BCL7A: variants seen among roughly 807,000 people sequenced by gnomAD.
BCL7A encodes BAF chromatin remodeling complex subunit BCL7A.
A neutral mutation model predicts 28.4 loss-of-function variants in BCL7A; 11 were observed. That is an observed-to-expected ratio of 0.39 (90% CI 0.24 to 0.64). The LOEUF (loss-of-function observed/expected upper bound fraction) is 0.64. BCL7A is among the 30% of genes least tolerant of loss of function. The pLI is 0.50. For synonymous variants in BCL7A, 123 were observed against 103.3 expected (o/e 1.19, Z -1.15); for missense variants, 222 against 274.8 (o/e 0.81, Z 1.36).
chr12:122,057,121 G>A (rs1223475672), intron 5 of BCL7A, among the ~76,000 whole-genome samples: 3 of 152,224 alleles, frequency 2.0e-5, no homozygotes, highest in African/African-American at 7.2e-5. Context: ...AGCAGAACAG[G>A]CCATGGGTAG....
intron 4 of BCL7A, among the ~76,000 whole-genome samples, chr12:122,052,167 G>A (rs1256696667): frequency 2.0e-5 from 3 of 151,662 alleles, no homozygotes; most frequent in African/African-American, 4.8e-5. Context: ...GAGCCACCAC[G>A]CCTGGCCTGG....
Position 122,029,573 on chromosome 12 carries a change from G to T in BCL7A, c.93-1127G>T, listed in dbSNP as rs1367246646. Among the ~76,000 whole-genome samples, 1 of 152,188 alleles carries T rather than the reference G, an allele frequency of 6.6e-6. No homozygotes were observed. On this transcript the variant is annotated intron_variant, in intron 1 of 5. Transcript: ENST00000261822. The surrounding 1 kb of genome is among the most constrained non-coding windows in gnomAD (Gnocchi z 4.3). Reference sequence around the variant, plus strand: ...TGCTGAGGACTCGGGCAGCTACGTCGCCTGTACCAGGGGTGCGCCTGCCCC... The same window carrying T: ...TGCTGAGGACTCGGGCAGCTACGTCTCCTGTACCAGGGGTGCGCCTGCCCC...
At position 122,021,957 on chromosome 12, in the gene BCL7A, T is replaced by TGTGTGA. The variant is rs776212842; in HGVS notation, c.-134_-133insTGTGAG. On this transcript the variant is annotated 5_prime_UTR_variant, in exon 1 of 6. The change abolishes the stop of an existing upstream ORF in the 5' untranslated region. Coordinates refer to ENST00000261822, the MANE Select transcript of BCL7A (RefSeq NM_001024808.3). ...GTGTGTGTGTGTGTGTGTGTGTGTG[T>TGTGTGA]GAGTGTGTGCGTGTGAGAGTGCGAG... 7.0e-3 allele frequency: 4,079 copies of TGTGTGA among 582,762 alleles called. 96 individuals are homozygous for TGTGTGA. Among genetic ancestry groups the TGTGTGA allele is most frequent in the Middle Eastern group, 7.1e-3 (15 of 2,108 alleles). The allele number at this position is 582,762 out of a possible 1,614,324, so 36.1% of individuals were successfully genotyped here. A position where few individuals can be genotyped will look rare whatever the true frequency, so the allele number is the denominator to read the frequency against.
rs201219079 is a variant in BCL7A, at chr12:122,054,796, T to G, written c.440-9T>G. On this transcript the variant is annotated splice_polypyrimidine_tract_variant and intron_variant, in intron 4 of 5. Transcript: ENST00000261822. ...GAAAACAGCTCCTGTCGTCTTGCTC[T>G]TCCCTCAGATGCTTCTGATGAGCAG... is the stretch of plus-strand genomic sequence containing the variant. The G allele has an allele frequency of 1.5e-5, 24 of 1,611,226 alleles. No individual in the cohort carries two copies. Among genetic ancestry groups the G allele is most frequent in the Non-Finnish European group, 2.0e-5 (24 of 1,178,012 alleles).
At chr12:122,040,504 C>T (rs1227738453) in intron 3 of BCL7A, among the ~76,000 whole-genome samples, 1 of 149,560 alleles carries the variant, frequency 6.7e-6, no homozygotes, top group Non-Finnish European at 1.5e-5. Context: ...TGCACTCCAG[C>T]CTGGGCAAGA....
chr12:122,024,208 A>G (rs1883556790), intron 1 of BCL7A, among the ~76,000 whole-genome samples: 2 of 152,300 alleles, frequency 1.3e-5, no homozygotes, highest in East Asian at 1.9e-4. Flanking sequence ...TGTCCTCTGA[A>G]GACCTCAGGC....
intron 2 of BCL7A, among the ~76,000 whole-genome samples, chr12:122,034,458 G>A (rs1337387400): frequency 6.7e-5 from 10 of 150,018 alleles, no homozygotes; most frequent in South Asian, 2.1e-4. Context: ...TTGAATGGCC[G>A]GGCACAGTGG....
At chr12:122,053,379 C>G (rs569776802) in intron 4 of BCL7A, among the ~76,000 whole-genome samples, 1 of 152,334 alleles carries the variant, frequency 6.6e-6, no homozygotes, top group East Asian at 1.9e-4. Context: ...CCCCCGCCCT[C>G]TGTGTCCCGG....
chr12:122,024,571 T>C (rs1883573462), intron 1 of BCL7A, among the ~76,000 whole-genome samples: 1 of 151,392 alleles, frequency 6.6e-6, no homozygotes, highest in African/African-American at 2.4e-5. Context: ...TCGGATTGGG[T>C]CTTAGACTCA....
chr12:122,049,699 G>A (rs1232344248), intron 4 of BCL7A, among the ~76,000 whole-genome samples: 19 of 152,072 alleles, frequency 1.2e-4, no homozygotes. Flanking sequence ...TATGTGAACA[G>A]TCCCTTAGTG....
intron 5 of BCL7A, among the ~76,000 whole-genome samples, chr12:122,056,038 ACAGAC>A (rs1951876252): frequency 6.6e-6 from 1 of 152,192 alleles, no homozygotes; most frequent in Non-Finnish European, 1.5e-5. Flanking sequence ...CTTGTCTGAG[ACAGAC>A]TAGGGCGCAG....
intron 3 of BCL7A, among the ~76,000 whole-genome samples, chr12:122,043,489 C>T (rs371848621): frequency 1.3e-5 from 2 of 151,898 alleles, no homozygotes; most frequent in Non-Finnish European, 2.9e-5. Flanking sequence ...CCCTACCACA[C>T]GGCCGGGTGC....
chr12:122,023,248 T>A (rs1883516654), intron 1 of BCL7A, among the ~76,000 whole-genome samples: 1 of 152,250 alleles, frequency 6.6e-6, no homozygotes, highest in East Asian at 1.9e-4. Context: ...ACTTTATTAT[T>A]TTTTTCCCAC....
At chr12:122,037,054 A>T (rs1381375328) in intron 3 of BCL7A, among the ~76,000 whole-genome samples, 1 of 152,188 alleles carries the variant, frequency 6.6e-6, no homozygotes, top group African/African-American at 2.4e-5. Flanking sequence ...GAAATCAGGA[A>T]ATCTCCGTCC....
intron 1 of BCL7A, 71 bp downstream of exon 1, chr12:122,022,254 C>T (rs1883480559): frequency 2.1e-6 from 2 of 930,916 alleles, no homozygotes; most frequent in Non-Finnish European, 2.6e-6. Context: ...CAGAGAGCCG[C>T]GGGGCGCAGC....
At chr12:122,044,077 C>T (rs747409373) in intron 4 of BCL7A, 24 bp downstream of exon 4, 20 of 1,596,936 alleles carry the variant, frequency 1.3e-5, no homozygotes, top group Admixed American at 1.7e-5. Flanking sequence ...GGAGGTGGGG[C>T]TCTGACGGCC....
intron 1 of BCL7A, among the ~76,000 whole-genome samples, chr12:122,025,141 C>T (rs1883588973): frequency 6.6e-6 from 1 of 152,032 alleles, no homozygotes; most frequent in African/African-American, 2.4e-5. Flanking sequence ...GTTTGGGGGC[C>T]CTGTGCTGGT....
rs73217766 is a variant in BCL7A, at chr12:122,050,665, G to A, written c.440-4140G>A. 2.4e-3 allele frequency among the ~76,000 whole-genome samples: 358 copies of A among 152,312 alleles called. 1 individual carries two copies. The highest frequency in any genetic ancestry group is 0.014 in the South Asian group (66 of 4,834). ...CACACACCCTCCTACTTCCTTGTTTGTAAAATGGGATGACCAGCTACTCGG... is the reference window on the plus strand; with the variant it reads ...CACACACCCTCCTACTTCCTTGTTTATAAAATGGGATGACCAGCTACTCGG... On this transcript the variant is annotated intron_variant, in intron 4 of 5. Coordinates refer to ENST00000261822, the MANE Select transcript of BCL7A (RefSeq NM_001024808.3).
intron 1 of BCL7A, among the ~76,000 whole-genome samples, chr12:122,024,045 C>T (rs556631653): frequency 6.6e-6 from 1 of 152,196 alleles, no homozygotes; most frequent in African/African-American, 2.4e-5. Flanking sequence ...GCAGGGAGGG[C>T]AGATGGAGAG....
Sources: gnomAD v4.1 joint callset for allele counts (sites outside exome capture counted in the v4.1 genomes callset) on GRCh38, gnomAD v4.1.1 for gene constraint, Gnocchi (gnomAD v3.1) non-coding constraint, MANE v1.5 for transcripts, NCBI Gene and HGNC (gene_info 2026-07-23, HGNC 2026-07-21) for gene names.